The following PPARA variants were observed in gnomAD, a reference collection of about 807,000 sequenced individuals.
PPARA encodes the protein peroxisome proliferator activated receptor alpha, also known as peroxisome proliferator-activated receptor alpha.
Under a neutral mutation model 42.2 loss-of-function variants are expected in PPARA, and 22 were observed. The ratio of observed to expected loss-of-function variants is 0.52; its 90% CI spans 0.37 to 0.74. The LOEUF (loss-of-function observed/expected upper bound fraction) is 0.74, where lower values mean the gene tolerates loss of function less well. PPARA is among the 30% of genes least tolerant of loss of function. The pLI is 0.00. For missense variants in PPARA, 465 were observed against 608.2 expected (o/e 0.76, Z 2.48); for synonymous variants, 242 against 239.3 (o/e 1.01, Z -0.10).
At chr22:46,166,080 A>G (rs776069929) in intron 2 of PPARA, among the ~76,000 whole-genome samples, 2 of 152,224 alleles carry the variant, frequency 1.3e-5, no homozygotes, top group Non-Finnish European at 2.9e-5. Context: ...CCCAGCTCCC[A>G]TGGTATATAC....
intron 3 of PPARA, among the ~76,000 whole-genome samples, chr22:46,179,542 T>A (rs146419426): frequency 6.6e-6 from 1 of 152,278 alleles, no homozygotes; most frequent in Non-Finnish European, 1.5e-5. Context: ...CCATGCCTCA[T>A]GCCATACACA....
intron 2 of PPARA, among the ~76,000 whole-genome samples, chr22:46,172,851 T>C (rs1414015257): frequency 6.6e-6 from 1 of 152,202 alleles, no homozygotes; most frequent in Non-Finnish European, 1.5e-5. Context: ...CTTGGCCCCA[T>C]GAGGGACAAT....
chr22:46,160,472 A>G lies in PPARA; in HGVS notation c.-127+8502A>G, dbSNP rs1462720902. Among the ~76,000 whole-genome samples, 1 of 151,700 alleles carries G rather than the reference A, an allele frequency of 6.6e-6. No individual in the cohort carries two copies. Among genetic ancestry groups the G allele is most frequent in the African/African-American group, 2.4e-5 (1 of 41,266 alleles). On this transcript the variant is annotated intron_variant, in intron 2 of 8. Transcript: ENST00000407236. This position sits in a 1 kb window ranked among gnomAD's most constrained non-coding sequence, Gnocchi z 4.5. ...CCACCATGCCTGGCTAAATTGTTGT[A>G]TTTTTAGTAGAGATGGGGTTTCACC...
intron 2 of PPARA, among the ~76,000 whole-genome samples, chr22:46,170,838 G>T (rs1927908630): frequency 1.3e-5 from 2 of 151,828 alleles, no homozygotes; most frequent in South Asian, 2.1e-4. Flanking sequence ...AGAATGGGAT[G>T]CATTCCTGGC....
Position 46,160,161 on chromosome 22 carries a change from C to G in PPARA, c.-127+8191C>G, listed in dbSNP as rs1360631229. 6.6e-6 allele frequency among the ~76,000 whole-genome samples: 1 copy of G among 152,220 alleles called. No homozygotes were observed. Among genetic ancestry groups the G allele is most frequent in the Non-Finnish European group, 1.5e-5 (1 of 68,042 alleles). ...GCTAAGGGTGGCAGCTGGCGGGGAT[C>G]TTTCCAGCAGAAAGCTGTAAGTGGA... On this transcript the variant is annotated intron_variant, in intron 2 of 8. Coordinates refer to ENST00000407236, the MANE Select transcript of PPARA (RefSeq NM_005036.6). This position sits in a 1 kb window ranked among gnomAD's most constrained non-coding sequence, Gnocchi z 4.5.
intron 3 of PPARA, among the ~76,000 whole-genome samples, chr22:46,178,143 T>A (rs962074520): frequency 2.0e-5 from 3 of 152,126 alleles, no homozygotes; most frequent in Non-Finnish European, 2.9e-5. Context: ...AAAAGTGTAG[T>A]CTAACAGTTT....
rs1015873824 is a variant in PPARA at position 46,227,452 on chromosome 22, A to G, written c.712-4340A>G. Among the ~76,000 whole-genome samples the G allele has an allele frequency of 2.0e-5, 3 of 152,216 alleles. No individual in the cohort carries two copies. Among genetic ancestry groups the G allele is most frequent in the Admixed American group, 2.0e-4 (3 of 15,282 alleles). The stretch of plus-strand genomic sequence containing the variant: ...TTTTTAGTAGACACGGGCTTTTGCC[A>G]TGTTGGCCGGGCTGGTCTCGAAATC... On this transcript the variant is annotated intron_variant, in intron 7 of 8. Transcript: ENST00000407236. This position sits in a 1 kb window ranked among gnomAD's most constrained non-coding sequence, Gnocchi z 4.3.
At chr22:46,215,436 CG>C in intron 5 of PPARA, 103 bp downstream of exon 5, 1 of 1,498,722 alleles carries the variant, frequency 6.7e-7, no homozygotes, top group Non-Finnish European at 9.2e-7. Flanking sequence ...CAGAAAGTCC[CG>C]GATAAGAAAC....
rs1389894940 is a variant in PPARA at position 46,165,417 on chromosome 22, A to G, written c.-126-11336A>G. 2 of 152,168 alleles carry G rather than the reference A, an allele frequency of 1.3e-5. No homozygotes were observed. The highest frequency in any genetic ancestry group is 2.4e-5 in the African/African-American group (1 of 41,450). 9.4% of individuals were successfully genotyped at this position (152,168 alleles called of 1,614,324 possible). On this transcript the variant is annotated intron_variant, in intron 2 of 8. Transcript: ENST00000407236. The surrounding 1 kb of genome is among the most constrained non-coding windows in gnomAD (Gnocchi z 5.5). Reference sequence around the variant, plus strand: ...GGACAGAATCTTTAAACATATGTGGAGGAATTGGAGAGTTTACAAGATAGT... The same window carrying G: ...GGACAGAATCTTTAAACATATGTGGGGGAATTGGAGAGTTTACAAGATAGT...
At chr22:46,206,162 C>T (rs563575444) in intron 4 of PPARA, among the ~76,000 whole-genome samples, 12 of 152,126 alleles carry the variant, frequency 7.9e-5, no homozygotes, top group East Asian at 7.7e-4. Context: ...AGTGCAATGG[C>T]GCTATCTCGG....
At chr22:46,186,245 C>T (rs926291646) in intron 3 of PPARA, among the ~76,000 whole-genome samples, 2 of 151,942 alleles carry the variant, frequency 1.3e-5, no homozygotes, top group South Asian at 2.1e-4. Flanking sequence ...TTAAGTAATG[C>T]GAAGTCCTTG....
chr22:46,207,312 C>T (rs1160268603), intron 4 of PPARA, among the ~76,000 whole-genome samples: 7 of 136,860 alleles, frequency 5.1e-5, no homozygotes, highest in Admixed American at 7.5e-5. Flanking sequence ...GACAGAGTCT[C>T]GCTCTATCAC....
At chr22:46,152,886 A>G (rs1381018071) in intron 2 of PPARA, among the ~76,000 whole-genome samples, 1 of 152,138 alleles carries the variant, frequency 6.6e-6, no homozygotes, top group East Asian at 1.9e-4. Flanking sequence ...GGAGTTCGAG[A>G]CCAGCCTGGC....
intron 4 of PPARA, 76 bp downstream of exon 4, chr22:46,198,667 T>TC (rs1348475508): frequency 2.1e-6 from 3 of 1,397,404 alleles, no homozygotes; most frequent in Non-Finnish European, 2.9e-6. Context: ...TCTTTTTTTT[T>TC]TTTTTTTTTT....
rs555633582 is a variant in PPARA, at chr22:46,224,974, G to T, written c.711+4960G>T. 1.8e-4 allele frequency among the ~76,000 whole-genome samples: 28 copies of T among 151,872 alleles called. No homozygotes were observed. Among genetic ancestry groups the T allele is most frequent in the African/African-American group, 6.8e-4 (28 of 41,432 alleles). On this transcript the variant is annotated intron_variant, in intron 7 of 8. Transcript: ENST00000407236. The surrounding 1 kb of genome is among the most constrained non-coding windows in gnomAD (Gnocchi z 5.7). ...GAGCTGGAACAGGCTAGAATGCTGG[G>T]GGGGGGCCTGAAACCGGTGGGGGAG...
In PPARA at chr22:46,182,647, T is replaced by A. The variant is rs1930128199; in HGVS notation, c.-43+5811T>A. Among the ~76,000 whole-genome samples the A allele has an allele frequency of 6.6e-6, 1 of 152,178 alleles. No individual in the cohort carries two copies. Among genetic ancestry groups the A allele is most frequent in the Non-Finnish European group, 1.5e-5 (1 of 68,034 alleles). On this transcript the variant is annotated intron_variant, in intron 3 of 8. Coordinates refer to ENST00000407236, the MANE Select transcript of PPARA (RefSeq NM_005036.6). The surrounding 1 kb of genome is among the most constrained non-coding windows in gnomAD (Gnocchi z 5.2). ...CGGCTATGATAGTGGTTTCACAGGT[T>A]GATACATACGGCAAAAAATACCAAA...
rs1487942359 is a variant in PPARA at position 46,219,644 on chromosome 22, G to A, written c.509-168G>A. Among the ~76,000 whole-genome samples the A allele has an allele frequency of 1.3e-5, 2 of 152,150 alleles. No individual in the cohort carries two copies. The highest frequency in any genetic ancestry group is 2.9e-5 in the Non-Finnish European group (2 of 68,030). ...AACATCTACAGTGTATGGAGTTTGAGTTTTTCATCTCTCCATAGTGGAAAG... is the reference window on the plus strand; with the variant it reads ...AACATCTACAGTGTATGGAGTTTGAATTTTTCATCTCTCCATAGTGGAAAG... On this transcript the variant is annotated intron_variant, in intron 6 of 8. Coordinates refer to ENST00000407236, the MANE Select transcript of PPARA (RefSeq NM_005036.6). This position sits in a 1 kb window ranked among gnomAD's most constrained non-coding sequence, Gnocchi z 4.8.
At position 46,236,228 on chromosome 22, in the gene PPARA, A is replaced by G. The variant is rs1389394110; in HGVS notation, c.*848A>G. 2 of 152,624 alleles carry G rather than the reference A, an allele frequency of 1.3e-5. No individual in the cohort carries two copies. The highest frequency in any genetic ancestry group is 4.8e-5 in the African/African-American group (2 of 41,446). 9.5% of individuals were successfully genotyped at this position (152,624 alleles called of 1,614,324 possible). ...CACCACTGCACTCCAGCCTGGTGACAGAACGAGACTCTGTCTTAAAAACAA... is the reference window on the plus strand; with the variant it reads ...CACCACTGCACTCCAGCCTGGTGACGGAACGAGACTCTGTCTTAAAAACAA... On this transcript the variant is annotated 3_prime_UTR_variant, in exon 9 of 9. Transcript: ENST00000407236. The surrounding 1 kb of genome is among the most constrained non-coding windows in gnomAD (Gnocchi z 5.2).
rs907465290 is a variant in PPARA at position 46,239,949 on chromosome 22, C to T, written c.*4569C>T. 5 of 386,620 alleles carry T rather than the reference C, an allele frequency of 1.3e-5. No individual in the cohort carries two copies. The highest frequency in any genetic ancestry group is 1.1e-4 in the East Asian group (3 of 27,210). The allele number at this position is 386,620 out of a possible 1,614,324, so 23.9% of individuals were successfully genotyped here. ...GGTTTTTTGGTCCTGATCCAGTGGCCACACCTGTCTTTGAAATGTCTCACT... is the reference window on the plus strand; with the variant it reads ...GGTTTTTTGGTCCTGATCCAGTGGCTACACCTGTCTTTGAAATGTCTCACT... On this transcript the variant is annotated 3_prime_UTR_variant, in exon 9 of 9. Coordinates refer to ENST00000407236, the MANE Select transcript of PPARA (RefSeq NM_005036.6).
Sources: allele counts gnomAD v4.1 joint callset (sites outside exome capture counted in the v4.1 genomes callset), GRCh38; gene constraint gnomAD v4.1.1; non-coding constraint Gnocchi (gnomAD v3.1); transcripts MANE v1.5; gene names NCBI Gene and HGNC (gene_info 2026-07-23, HGNC 2026-07-21).